Variants in HEATR3 observed in about 807,000 individuals in gnomAD.
HEATR3 encodes the protein HEAT repeat-containing protein 3.
Under a neutral mutation model 72.8 loss-of-function variants are expected in HEATR3, and 56 were observed. The ratio of observed to expected loss-of-function variants is 0.77; its 90% CI spans 0.62 to 0.96. The LOEUF (loss-of-function observed/expected upper bound fraction) is 0.96. Among genes scored for constraint, HEATR3 ranks in the 40% least tolerant of loss-of-function variants. HEATR3 has a pLI of 0.00. For missense variants in HEATR3, 747 were observed against 831.4 expected (o/e 0.90, Z 1.25); for synonymous variants, 331 against 318.1 (o/e 1.04, Z -0.43).
rs113298310 is a variant in HEATR3, at chr16:50,102,351, A to C, written c.1836A>C (p.Ala612=). The change falls in exon 14 of 15, where the codon GCA becomes GCC. Residue 612 remains alanine (A), a synonymous_variant. Coordinates refer to ENST00000299192, the MANE Select transcript of HEATR3 (RefSeq NM_182922.4). The stretch of plus-strand genomic sequence containing the variant: ...TGGATGCCCTCTTTGATGTTTTTGC[A>C]GATGGTAAAGAAGCCGAAAGAGCCT... ...EALDALFDVF[A]DGKEAERASI... is the part of the protein sequence containing the mutation. 5.6e-6 allele frequency: 9 copies of C among 1,614,126 alleles called. No homozygotes were observed. Among genetic ancestry groups the C allele is most frequent in the Non-Finnish European group, 7.6e-6 (9 of 1,179,986 alleles).
chr16:50,075,182 TG>T (rs2036697085), intron 5 of HEATR3, among the ~76,000 whole-genome samples: 2 of 151,958 alleles, frequency 1.3e-5, no homozygotes, highest in Non-Finnish European at 2.9e-5. Context: ...CCAGGCATCA[TG>T]GCGCATACCT....
Position 50,078,728 on chromosome 16 carries a change from G to GT in HEATR3, c.764-6dup, listed in dbSNP as rs1385072346. On this transcript the variant is annotated splice_polypyrimidine_tract_variant and intron_variant, in intron 6 of 14. Transcript: ENST00000299192. The stretch of plus-strand genomic sequence containing the variant: ...ACAGGCATTTCTTATCCTTATGCTT[G>GT]TTTTTTTCCCAGGCACAATTTGGAA... 7 of 1,601,802 alleles carry GT rather than the reference G, an allele frequency of 4.4e-6. No homozygotes were observed. The highest frequency in any genetic ancestry group is 1.3e-5 in the African/African-American group (1 of 74,176).
Position 50,088,933 on chromosome 16 carries a change from G to A in HEATR3, c.1510+2582G>A, listed in dbSNP as rs576501329. ...ATTTCTCACTGAGAGTCTGGTCCAG[G>A]TACCCCCGGTCCCATCCCCAGGCAG... On this transcript the variant is annotated intron_variant, in intron 11 of 14. Transcript: ENST00000299192. 3.3e-5 allele frequency among the ~76,000 whole-genome samples: 5 copies of A among 152,054 alleles called. No homozygotes were observed. The East Asian group carries it at 5.8e-4, about 18-fold the overall frequency.
At chr16:50,097,914 A>G (rs2037279573) in intron 12 of HEATR3, among the ~76,000 whole-genome samples, 1 of 142,444 alleles carries the variant, frequency 7.0e-6, no homozygotes. Context: ...CAAGAGTGAA[A>G]CTCCGTCTCA....
At chr16:50,076,060 C>G (rs1188902553) in intron 6 of HEATR3, among the ~76,000 whole-genome samples, 1 of 151,240 alleles carries the variant, frequency 6.6e-6, no homozygotes, top group East Asian at 1.9e-4. Flanking sequence ...TGCAGAATGT[C>G]TGAATACAGA....
intron 14 of HEATR3, among the ~76,000 whole-genome samples, chr16:50,103,887 T>G (rs2037422773): frequency 6.6e-6 from 1 of 151,650 alleles, no homozygotes; most frequent in African/African-American, 2.4e-5. Flanking sequence ...AAGTTAGCCA[T>G]TAAGTGGTGG....
chr16:50,089,480 G>A (rs529172227), intron 11 of HEATR3, among the ~76,000 whole-genome samples: 2 of 152,164 alleles, frequency 1.3e-5, no homozygotes, highest in Non-Finnish European at 2.9e-5. Flanking sequence ...GGGCTGTCCA[G>A]CTTGCTTGGG....
rs551083017 is a variant in HEATR3 at position 50,098,651 on chromosome 16, G to A, written c.1600-1579G>A. Reference sequence around the variant, plus strand: ...AGCCTGGGCGACAGAGCGATACTCCGTTTCAAAAATAATAATAATAATAAA... The same window carrying A: ...AGCCTGGGCGACAGAGCGATACTCCATTTCAAAAATAATAATAATAATAAA... On this transcript the variant is annotated intron_variant, in intron 12 of 14. Transcript: ENST00000299192. 6.6e-5 allele frequency among the ~76,000 whole-genome samples: 10 copies of A among 151,514 alleles called. No homozygotes were observed. In the East Asian group the frequency reaches 1.6e-3, roughly 23 times the overall value.
chr16:50,068,175 C>T (rs894761341), intron 2 of HEATR3, among the ~76,000 whole-genome samples: 3 of 152,188 alleles, frequency 2.0e-5, no homozygotes, highest in Admixed American at 1.3e-4. Flanking sequence ...TGACTATCTC[C>T]ATATCCTTAG....
intron 10 of HEATR3, 128 bp from the exon 11 acceptor site, chr16:50,086,087 A>G (rs1271802972): frequency 2.4e-6 from 2 of 820,250 alleles, no homozygotes; most frequent in Non-Finnish European, 3.7e-6. Context: ...TTCTTTGCTA[A>G]CTGCCATAGA....
rs1233678078 is a variant in HEATR3 at position 50,106,253 on chromosome 16, G to A, written c.*1192G>A. 3.9e-5 allele frequency: 6 copies of A among 152,078 alleles called. No homozygotes were observed. The highest frequency in any genetic ancestry group is 1.5e-5 in the Non-Finnish European group (1 of 68,022). 9.4% of individuals were successfully genotyped at this position (152,078 alleles called of 1,614,324 possible). On this transcript the variant is annotated 3_prime_UTR_variant, in exon 15 of 15. Coordinates refer to ENST00000299192, the MANE Select transcript of HEATR3 (RefSeq NM_182922.4). ...TTCACTTACTAGATTATACTAATGA[G>A]CTAATGGGGTCATTGCCATCCTCCC...
intron 2 of HEATR3, among the ~76,000 whole-genome samples, chr16:50,067,263 G>T (rs1794855049): frequency 6.6e-6 from 1 of 151,982 alleles, no homozygotes; most frequent in Non-Finnish European, 1.5e-5. Flanking sequence ...GCTGAGGTAG[G>T]AGAATCGCTT....
At chr16:50,101,074 G>T (rs1433771009) in intron 13 of HEATR3, among the ~76,000 whole-genome samples, 1 of 150,900 alleles carries the variant, frequency 6.6e-6, no homozygotes, top group Non-Finnish European at 1.5e-5. Context: ...ATGTTTTTAA[G>T]AATCTATTTT....
chr16:50,075,466 C>G (rs532222948), intron 5 of HEATR3, 105 bp from the exon 6 acceptor site: 1 of 1,068,918 alleles, frequency 9.4e-7, no homozygotes, highest in Admixed American at 2.1e-5. Context: ...CTACATGTGT[C>G]TAATGAAGTG....
At chr16:50,096,937 G>A (rs945081985) in intron 12 of HEATR3, among the ~76,000 whole-genome samples, 1 of 151,942 alleles carries the variant, frequency 6.6e-6, no homozygotes, top group Admixed American at 6.6e-5. Context: ...ATTTTGTTCC[G>A]TAGCATTTTC....
At chr16:50,066,759 C>T in intron 2 of HEATR3, 1 of 414,624 alleles carries the variant, frequency 2.4e-6, no homozygotes, top group Non-Finnish European at 4.1e-6. Context: ...CGTCCACCTG[C>T]TCAGGCGTCC....
At chr16:50,075,878 A>G (rs769070152) in intron 6 of HEATR3, among the ~76,000 whole-genome samples, 167 bp downstream of exon 6, 1 of 152,238 alleles carries the variant, frequency 6.6e-6, no homozygotes, top group Non-Finnish European at 1.5e-5. Context: ...GCAGTTGTCT[A>G]TAGTTGTAAA....
intron 1 of HEATR3, 37 bp downstream of exon 1, chr16:50,066,306 G>A (rs779737692): frequency 8.9e-6 from 14 of 1,570,736 alleles, no homozygotes; most frequent in South Asian, 2.3e-5. Context: ...GAGGCGAGAC[G>A]AGGTTGCCCC....
intron 12 of HEATR3, among the ~76,000 whole-genome samples, chr16:50,099,698 C>T (rs1283492746): frequency 6.6e-6 from 1 of 152,188 alleles, no homozygotes; most frequent in Non-Finnish European, 1.5e-5. Flanking sequence ...TGTGCCTCAG[C>T]CTCCTGAGTA....
Sources: gnomAD v4.1 joint callset for allele counts (sites outside exome capture counted in the v4.1 genomes callset) on GRCh38, gnomAD v4.1.1 for gene constraint, MANE v1.5 for transcripts, NCBI Gene and HGNC (gene_info 2026-07-23, HGNC 2026-07-21) for gene names.